The following NLGN1 variants were observed in gnomAD, a reference collection of about 807,000 sequenced individuals.
The protein encoded by NLGN1 is neuroligin-1.
In NLGN1, 12 loss-of-function variants were observed where a neutral mutation model predicts 65.5. The observed-to-expected ratio is 0.18, with a 90% CI of 0.12 to 0.30. The LOEUF is 0.30. Ranked by LOEUF, NLGN1 falls within the 10% of genes least tolerant of loss-of-function variation. NLGN1 has a pLI of 1.00. For missense variants in NLGN1, 750 were observed against 1,007.1 expected, an observed-to-expected ratio of 0.74 and a Z score of 3.46; for synonymous variants, 350 against 359.5, an observed-to-expected ratio of 0.97 and a Z score of 0.30.
chr3:174,174,909 C>A (rs1729173649), intron 4 of NLGN1, among the ~76,000 whole-genome samples: 4 of 151,810 alleles, frequency 2.6e-5, no homozygotes, highest in Admixed American at 2.6e-4. Flanking sequence ...AATTGACCCC[C>A]AATCATTCAG....
At chr3:173,518,200 G>A (rs1734165555) in intron 2 of NLGN1, among the ~76,000 whole-genome samples, 2 of 151,960 alleles carry the variant, frequency 1.3e-5, no homozygotes, top group East Asian at 1.9e-4. Flanking sequence ...TGGTTAAAAA[G>A]TATCTTATTT....
chr3:173,942,014 C>A (rs1172714817), intron 4 of NLGN1, among the ~76,000 whole-genome samples: 1 of 151,320 alleles, frequency 6.6e-6, no homozygotes, highest in African/African-American at 2.4e-5. Context: ...CGAGAGATGT[C>A]CACTATTGAT....
intron 4 of NLGN1, among the ~76,000 whole-genome samples, chr3:174,075,165 A>G (rs1043048718): frequency 2.0e-5 from 3 of 152,176 alleles, no homozygotes; most frequent in African/African-American, 7.2e-5. Flanking sequence ...CATTTAAAAT[A>G]TGTTCTTACA....
chr3:174,012,122 A>G (rs1220030268), intron 4 of NLGN1, among the ~76,000 whole-genome samples: 2 of 152,174 alleles, frequency 1.3e-5, no homozygotes, highest in African/African-American at 4.8e-5. Flanking sequence ...GGCCACCATG[A>G]CAATGAGTCT....
intron 2 of NLGN1, among the ~76,000 whole-genome samples, chr3:173,486,111 C>G (rs1052504563): frequency 2.0e-5 from 3 of 152,094 alleles, no homozygotes; most frequent in Non-Finnish European, 4.4e-5. Context: ...GTGGCGTGAT[C>G]TTGGCTCACT....
chr3:174,136,202 G>T (rs2152681256), intron 4 of NLGN1, among the ~76,000 whole-genome samples: 1 of 152,200 alleles, frequency 6.6e-6, no homozygotes, highest in African/African-American at 2.4e-5. Context: ...ATACATATCT[G>T]ATATATTGGT....
chr3:173,664,088 TA>T (rs36125897), intron 3 of NLGN1, among the ~76,000 whole-genome samples: 1 of 152,058 alleles, frequency 6.6e-6, no homozygotes, highest in Non-Finnish European at 1.5e-5. Flanking sequence ...TATGAATTGT[TA>T]AAAAATGTGC....
chr3:173,761,682 A>G (rs1777991808), intron 3 of NLGN1, among the ~76,000 whole-genome samples: 1 of 152,078 alleles, frequency 6.6e-6, no homozygotes, highest in African/African-American at 2.4e-5. Context: ...CTACAGAAAT[A>G]TTTCTTCTAG....
intron 4 of NLGN1, among the ~76,000 whole-genome samples, chr3:173,842,507 C>G (rs1250304040): frequency 6.6e-6 from 1 of 152,184 alleles, no homozygotes; most frequent in Non-Finnish European, 1.5e-5. Context: ...TTCCTAGATA[C>G]AATGGGGGTA....
chr3:174,202,904 C>G (rs907505815), intron 4 of NLGN1: 9 of 152,122 alleles, frequency 5.9e-5, no homozygotes, highest in Non-Finnish European at 1.2e-4. Context: ...AGTGGTGAAT[C>G]TTGTTGGTCA....
At chr3:173,780,332 A>G (rs1319525407) in intron 3 of NLGN1, among the ~76,000 whole-genome samples, 2 of 152,226 alleles carry the variant, frequency 1.3e-5, no homozygotes, top group African/African-American at 4.8e-5. Flanking sequence ...GTGTACATGT[A>G]TACGCTCAGT....
At chr3:173,817,013 A>T (rs548963760) in intron 4 of NLGN1, among the ~76,000 whole-genome samples, 1 of 152,246 alleles carries the variant, frequency 6.6e-6, no homozygotes, top group African/African-American at 2.4e-5. Context: ...ACAAAGCCCA[A>T]AATAGTTTCT....
At chr3:174,035,430 G>T (rs1450384337) in intron 4 of NLGN1, among the ~76,000 whole-genome samples, 1 of 152,170 alleles carries the variant, frequency 6.6e-6, no homozygotes, top group Non-Finnish European at 1.5e-5. Flanking sequence ...GTAGAACCTT[G>T]TACACCAGCC....
intron 4 of NLGN1, among the ~76,000 whole-genome samples, chr3:173,982,841 T>A (rs147373112): frequency 2.0e-5 from 3 of 152,272 alleles, no homozygotes; most frequent in African/African-American, 7.2e-5. Context: ...TGTGTTACAT[T>A]GTGGCTAAAA....
intron 4 of NLGN1, among the ~76,000 whole-genome samples, chr3:174,016,721 A>C (rs1156495933): frequency 6.6e-6 from 1 of 152,158 alleles, no homozygotes; most frequent in Non-Finnish European, 1.5e-5. Flanking sequence ...TTCATTCTCT[A>C]TTTTTGTATT....
chr3:173,424,119 C>T (rs1715651271), intron 1 of NLGN1, among the ~76,000 whole-genome samples: 1 of 152,200 alleles, frequency 6.6e-6, no homozygotes, highest in Non-Finnish European at 1.5e-5. Context: ...TCAGCTGTAA[C>T]CTTGGCCCCT....
At chr3:174,089,293 T>C (rs1313722280) in intron 4 of NLGN1, among the ~76,000 whole-genome samples, 1 of 152,208 alleles carries the variant, frequency 6.6e-6, no homozygotes, top group Non-Finnish European at 1.5e-5. Context: ...CTGCTTAAAA[T>C]ATTTTCTCTG....
chr3:173,455,844 T>C (rs1722430685), intron 2 of NLGN1, among the ~76,000 whole-genome samples: 1 of 152,160 alleles, frequency 6.6e-6, no homozygotes, highest in African/African-American at 2.4e-5. Flanking sequence ...ATCTGTCATC[T>C]ATAAGCAGAA....
intron 3 of NLGN1, among the ~76,000 whole-genome samples, chr3:173,708,292 T>A (rs748713801): frequency 2.0e-5 from 3 of 152,206 alleles, no homozygotes; most frequent in Non-Finnish European, 4.4e-5. Flanking sequence ...GACTCCTGCA[T>A]CCGACCTTGG....
Sources: gnomAD v4.1 joint callset for allele counts (sites outside exome capture counted in the v4.1 genomes callset) on GRCh38, gnomAD v4.1.1 for gene constraint, MANE v1.5 for transcripts, NCBI Gene and HGNC (gene_info 2026-07-23, HGNC 2026-07-21) for gene names.